RBBP4: variants seen among roughly 807,000 people sequenced by gnomAD.
RBBP4 encodes the protein RB binding protein 4, chromatin remodeling factor.
In RBBP4, 3 loss-of-function variants were observed where a neutral mutation model predicts 57.2. The observed-to-expected ratio is 0.05, with a 90% CI of 0.02 to 0.14. The LOEUF (loss-of-function observed/expected upper bound fraction) is 0.14. Ranked by LOEUF, RBBP4 falls within the 10% of genes least tolerant of loss-of-function variation. The probability of loss-of-function intolerance (pLI) is 1.00; values close to 1 mark genes in which losing one functional copy is unlikely to be tolerated. For synonymous variants in RBBP4, 151 were observed against 171.5 expected (o/e 0.88, Z 0.93); for missense variants, 107 against 520.6 (o/e 0.21, Z 7.73).
intron 11 of RBBP4, among the ~76,000 whole-genome samples, chr1:32,675,287 C>CTTT: frequency 6.7e-6 from 1 of 149,826 alleles, no homozygotes; most frequent in South Asian, 2.1e-4. Flanking sequence ...CTGCCTGCCT[C>CTTT]GGCCTCCCAA....
intron 11 of RBBP4, among the ~76,000 whole-genome samples, chr1:32,677,762 G>C (rs1649167996): frequency 6.6e-6 from 1 of 152,142 alleles, no homozygotes; most frequent in African/African-American, 2.4e-5. Context: ...TTTGGTGTTA[G>C]AAGTAACGTC....
At chr1:32,659,409 A>C (rs980742718) in intron 3 of RBBP4, among the ~76,000 whole-genome samples, 1 of 151,804 alleles carries the variant, frequency 6.6e-6, no homozygotes, top group Non-Finnish European at 1.5e-5. Flanking sequence ...AAAAATACAA[A>C]ATTAGCCATG....
chr1:32,674,361 G>A (rs963657199), intron 11 of RBBP4, among the ~76,000 whole-genome samples: 2 of 152,046 alleles, frequency 1.3e-5, no homozygotes, highest in African/African-American at 4.8e-5. Context: ...AGCCTCCCTA[G>A]TAACTGGGAC....
chr1:32,670,637 A>G (rs201671652), intron 8 of RBBP4, among the ~76,000 whole-genome samples: 5 of 152,016 alleles, frequency 3.3e-5, no homozygotes, highest in Non-Finnish European at 7.4e-5. Flanking sequence ...CAATGGTGCA[A>G]TCTCGGCTCA....
In RBBP4 at chr1:32,684,379, G is replaced by T. The variant is rs1374034701; in HGVS notation, c.*4674G>T. ...TGGCGTTCTTCCATTTCCTCCAGCTGTTCCTGCATGAGATGGCCAAGAACA... is the reference window on the plus strand; with the variant it reads ...TGGCGTTCTTCCATTTCCTCCAGCTTTTCCTGCATGAGATGGCCAAGAACA... On this transcript the variant is annotated 3_prime_UTR_variant, in exon 12 of 12. Transcript: ENST00000373493. 6.2e-7 allele frequency: 1 copy of T among 1,614,044 alleles called. No homozygotes were observed. The highest frequency in any genetic ancestry group is 8.5e-7 in the Non-Finnish European group (1 of 1,180,044).
At chr1:32,668,718 G>A (rs749476031) in intron 4 of RBBP4, 21 bp from the exon 5 acceptor site, 2 of 1,593,740 alleles carry the variant, frequency 1.3e-6, no homozygotes, top group East Asian at 4.5e-5. Context: ...GGGTAGTCTT[G>A]ATGTGTCTGT....
rs559539105 is a variant in RBBP4 at position 32,661,788 on chromosome 1, T to G, written c.310+4216T>G. Among the ~76,000 whole-genome samples the G allele has an allele frequency of 1.1e-4, 11 of 101,878 alleles. No individual in the cohort carries two copies. The South Asian group carries it at 4.8e-3, about 45-fold the overall frequency. 66.8% of individuals were successfully genotyped at this position (101,878 alleles called of 152,430 possible). On this transcript the variant is annotated intron_variant, in intron 3 of 11. Coordinates refer to ENST00000373493, the MANE Select transcript of RBBP4 (RefSeq NM_005610.3). ...TTTTGATTTGCATTTTTCTGATGAT[T>G]GGTGATGTTGATCTTTTTTTTTTCA...
chr1:32,652,698 C>A (rs998462931), intron 2 of RBBP4, among the ~76,000 whole-genome samples: 1 of 152,102 alleles, frequency 6.6e-6, no homozygotes, highest in African/African-American at 2.4e-5. Flanking sequence ...CCTGCCACCA[C>A]GCCTGGCTAA....
At chr1:32,671,694 C>CTTT (rs71006356) in intron 8 of RBBP4, among the ~76,000 whole-genome samples, 1 of 147,596 alleles carries the variant, frequency 6.8e-6, no homozygotes, top group Admixed American at 6.7e-5. Flanking sequence ...GGCCTCATCT[C>CTTT]TTTTTTTTTT....
At chr1:32,658,607 C>T (rs12041319) in intron 3 of RBBP4, among the ~76,000 whole-genome samples, 16,489 of 147,396 alleles carry the variant, frequency 0.11, 1,684 homozygotes, top group African/African-American at 0.26. Flanking sequence ...AGTGCAGTGG[C>T]GCGATCTCAG....
chr1:32,680,582 C>G lies in RBBP4; in HGVS notation c.*877C>G. ...TCTCCATTTTGGGTGACCTGTTTCA[C>G]CAGCAGGCCTGTTACTCTCCATGAC... is the stretch of plus-strand genomic sequence containing the variant. On this transcript the variant is annotated 3_prime_UTR_variant, in exon 12 of 12. Transcript: ENST00000373493. 1 of 1,481,332 alleles carries G rather than the reference C, an allele frequency of 6.8e-7. No individual in the cohort carries two copies. The highest frequency in any genetic ancestry group is 2.5e-5 in the East Asian group (1 of 39,244). 91.8% of individuals were successfully genotyped at this position (1,481,332 alleles called of 1,614,324 possible). A position where few individuals can be genotyped will look rare whatever the true frequency, so the allele number is the denominator to read the frequency against.
chr1:32,680,868 G>A lies in RBBP4; in HGVS notation c.*1163G>A. The A allele has an allele frequency of 3.5e-6, 1 of 289,398 alleles. No homozygotes were observed. The highest frequency in any genetic ancestry group is 5.1e-5 in the Admixed American group (1 of 19,620). The allele number at this position is 289,398 out of a possible 1,614,324, so 17.9% of individuals were successfully genotyped here. ...ACTGAATCAGAGGTGGCACAGATTA[G>A]TCTTTGATAAGGTAACGTTTCTTTG... On this transcript the variant is annotated 3_prime_UTR_variant, in exon 12 of 12. Coordinates refer to ENST00000373493, the MANE Select transcript of RBBP4 (RefSeq NM_005610.3).
At chr1:32,660,994 G>A (rs989690917) in intron 3 of RBBP4, among the ~76,000 whole-genome samples, 5 of 151,962 alleles carry the variant, frequency 3.3e-5, no homozygotes, top group African/African-American at 1.2e-4. Context: ...TGTATTTTTT[G>A]TAGAGAGTAG....
intron 11 of RBBP4, among the ~76,000 whole-genome samples, chr1:32,676,958 A>G (rs1570873137): frequency 6.6e-6 from 1 of 152,260 alleles, no homozygotes; most frequent in East Asian, 1.9e-4. Context: ...AAAAATACTG[A>G]AGAATTCAAG....
chr1:32,679,852 G>T lies in RBBP4; in HGVS notation c.*147G>T. The T allele has an allele frequency of 6.8e-6, 9 of 1,332,944 alleles. No individual in the cohort carries two copies. Among genetic ancestry groups the T allele is most frequent in the Non-Finnish European group, 8.6e-6 (9 of 1,046,928 alleles). 82.6% of individuals were successfully genotyped at this position (1,332,944 alleles called of 1,614,324 possible). On this transcript the variant is annotated 3_prime_UTR_variant, in exon 12 of 12. Coordinates refer to ENST00000373493, the MANE Select transcript of RBBP4 (RefSeq NM_005610.3). ...ATAATGCTATTAGCCCAAACCGTGGGTGTTTTCTAAATATTAATAGGGGGG... is the reference window on the plus strand; with the variant it reads ...ATAATGCTATTAGCCCAAACCGTGGTTGTTTTCTAAATATTAATAGGGGGG...
In RBBP4 at chr1:32,669,472, C is replaced by A; in HGVS notation, c.889-14C>A. 1 of 1,574,116 alleles carries A rather than the reference C, an allele frequency of 6.4e-7. No individual in the cohort carries two copies. Among genetic ancestry groups the A allele is most frequent in the East Asian group, 2.2e-5 (1 of 44,476 alleles). On this transcript the variant is annotated splice_polypyrimidine_tract_variant and intron_variant, in intron 7 of 11. Transcript: ENST00000373493. This position sits in a 1 kb window ranked among gnomAD's most constrained non-coding sequence, Gnocchi z 4.9. ...TAAAAAATTGATTACTCTTGCTTTTCTTTTTGTACATAGACTGTTGCCTTG... is the reference window on the plus strand; with the variant it reads ...TAAAAAATTGATTACTCTTGCTTTTATTTTTGTACATAGACTGTTGCCTTG...
intron 2 of RBBP4, among the ~76,000 whole-genome samples, chr1:32,653,992 A>G (rs2934766): frequency 0.86 from 131,098 of 152,002 alleles, 58,071 homozygotes; most frequent in Non-Finnish European, 0.96. Flanking sequence ...GAGTTCCCAC[A>G]TGCAATTGAT....
intron 11 of RBBP4, among the ~76,000 whole-genome samples, chr1:32,674,349 T>G (rs1184618026): frequency 6.6e-6 from 1 of 152,086 alleles, no homozygotes; most frequent in African/African-American, 2.4e-5. Flanking sequence ...TCCTCCTACC[T>G]CAGCCTCCCT....
chr1:32,673,461 G>C, intron 11 of RBBP4: 1 of 418,880 alleles, frequency 2.4e-6, no homozygotes, highest in East Asian at 8.1e-5. Flanking sequence ...TTTTTGAGAT[G>C]GTCTCTCACT....
Sources: gnomAD v4.1 joint callset for allele counts (sites outside exome capture counted in the v4.1 genomes callset) on GRCh38, gnomAD v4.1.1 for gene constraint, Gnocchi (gnomAD v3.1) non-coding constraint, MANE v1.5 for transcripts, NCBI Gene and HGNC (gene_info 2026-07-23, HGNC 2026-07-21) for gene names.